SBF2: variants seen among roughly 807,000 people sequenced by gnomAD.
SBF2 encodes the protein SET binding factor 2.
In SBF2, 112 loss-of-function variants were observed where a neutral mutation model predicts 225.2. The ratio of observed to expected loss-of-function variants is 0.50; its 90% confidence interval spans 0.43 to 0.58. The LOEUF is 0.58. Ranked by LOEUF, SBF2 falls within the 20% of genes least tolerant of loss-of-function variation. The probability of loss-of-function intolerance (pLI) is 0.00; values close to 1 mark genes in which losing one functional copy is unlikely to be tolerated. For synonymous variants in SBF2, 763 were observed against 773.3 expected (o/e 0.99, Z 0.22); for missense variants, 1,996 against 2,206.2 (o/e 0.90, Z 1.91).
rs542904098 is a variant in SBF2 at position 9,987,310 on chromosome 11, T to C, written c.1395+2187A>G. ...AAAGCCATCTATAACAAACCCACAG[T>C]CACCATAATACTGAATTGGGAAAAG... On this transcript the variant is annotated intron_variant, in intron 13 of 39. Coordinates refer to ENST00000256190, the MANE Select transcript of SBF2 (RefSeq NM_030962.4). 1.5e-3 allele frequency among the ~76,000 whole-genome samples: 230 copies of C among 152,106 alleles called. 3 individuals are homozygous for C. The highest frequency in any genetic ancestry group is 0.013 in the Admixed American group (196 of 15,268).
intron 17 of SBF2, among the ~76,000 whole-genome samples, chr11:9,873,116 G>C (rs4575265): frequency 7.2e-6 from 1 of 139,782 alleles, no homozygotes; most frequent in Non-Finnish European, 1.5e-5. Context: ...TGAGGCAGGA[G>C]AATCGCTTGA....
At chr11:10,170,568 C>T (rs1394588198) in intron 2 of SBF2, among the ~76,000 whole-genome samples, 1 of 151,910 alleles carries the variant, frequency 6.6e-6, no homozygotes, top group African/African-American at 2.4e-5. Context: ...TGTAATTCTT[C>T]CAGTTTTTTT....
At chr11:9,991,663 A>G (rs55712226) in intron 12 of SBF2, among the ~76,000 whole-genome samples, 4,312 of 152,288 alleles carry the variant, frequency 0.028, 208 homozygotes, top group African/African-American at 0.099. Flanking sequence ...ATAAAAGGAA[A>G]GATGCTTTTA....
intron 32 of SBF2, among the ~76,000 whole-genome samples, chr11:9,801,483 TA>T (rs1041995512): frequency 1.3e-5 from 2 of 152,204 alleles, no homozygotes; most frequent in African/African-American, 4.8e-5. Flanking sequence ...TTTAATACAT[TA>T]AAACTGGATT....
intron 16 of SBF2, chr11:9,958,301 A>C (rs942936608): frequency 6.6e-6 from 1 of 152,212 alleles, no homozygotes; most frequent in Admixed American, 6.5e-5. Context: ...CCAAAGAAAG[A>C]AAGCAAGATT....
intron 1 of SBF2, among the ~76,000 whole-genome samples, chr11:10,225,620 G>C (rs990074657): frequency 9.2e-5 from 14 of 152,000 alleles, no homozygotes; most frequent in Non-Finnish European, 1.5e-4. Flanking sequence ...TTTTCAAAAA[G>C]AAAAAAGTGC....
chr11:9,929,639 A>G (rs1429089621), intron 16 of SBF2, among the ~76,000 whole-genome samples: 1 of 152,172 alleles, frequency 6.6e-6, no homozygotes, highest in Non-Finnish European at 1.5e-5. Context: ...CTTCTCCATG[A>G]CAATGCATGT....
chr11:9,937,091 G>C (rs1244907112), intron 16 of SBF2, among the ~76,000 whole-genome samples: 1 of 152,074 alleles, frequency 6.6e-6, no homozygotes, highest in South Asian at 2.1e-4. Flanking sequence ...ATAAATCCCA[G>C]AAGAGCAAAA....
intron 35 of SBF2, among the ~76,000 whole-genome samples, chr11:9,788,611 C>A (rs1039792926): frequency 9.7e-5 from 10 of 102,804 alleles, no homozygotes; most frequent in African/African-American, 3.1e-4. Context: ...TTTTTTTTTA[C>A]TGAGACGGAG....
rs1324228041 is a variant in SBF2 at position 9,808,205 on chromosome 11, G to T, written c.4258-20C>A. ...TGTCACCTAGGGCATAAGCAGGATG[G>T]ATTGTCATTAATTTTAGTTCTGAAA... On this transcript the variant is annotated intron_variant, in intron 31 of 39. Coordinates refer to ENST00000256190, the MANE Select transcript of SBF2 (RefSeq NM_030962.4). 1 of 1,608,238 alleles carries T rather than the reference G, an allele frequency of 6.2e-7. No individual in the cohort carries two copies. The highest frequency in any genetic ancestry group is 2.2e-5 in the East Asian group (1 of 44,844).
intron 1 of SBF2, chr11:10,302,717 GT>G (rs1964609052): frequency 7.9e-5 from 12 of 152,444 alleles, no homozygotes; most frequent in Admixed American, 7.2e-4. Flanking sequence ...CACAGCTCAA[GT>G]TTCCCCCACG....
intron 1 of SBF2, among the ~76,000 whole-genome samples, chr11:10,266,229 G>A (rs530499669): frequency 9.9e-5 from 15 of 152,278 alleles, no homozygotes; most frequent in Admixed American, 2.0e-4. Context: ...GTTGTTTGAC[G>A]CTAGAACTTA....
At chr11:10,245,258 T>G (rs912003112) in intron 1 of SBF2, among the ~76,000 whole-genome samples, 1 of 151,410 alleles carries the variant, frequency 6.6e-6, no homozygotes, top group East Asian at 2.0e-4. Flanking sequence ...CAAAACCACA[T>G]GGAGGCCTGG....
intron 6 of SBF2, among the ~76,000 whole-genome samples, chr11:10,022,294 A>C (rs1948890141): frequency 6.6e-6 from 1 of 152,196 alleles, no homozygotes; most frequent in Admixed American, 6.5e-5. Context: ...AAGATATTCC[A>C]GAATCAATAC....
At chr11:9,912,392 C>G (rs1862708229) in intron 16 of SBF2, among the ~76,000 whole-genome samples, 1 of 151,658 alleles carries the variant, frequency 6.6e-6, no homozygotes, top group Non-Finnish European at 1.5e-5. Flanking sequence ...CAAGACCAGC[C>G]TGGCCAACAT....
intron 1 of SBF2, among the ~76,000 whole-genome samples, chr11:10,279,936 A>C (rs1372790426): frequency 6.6e-5 from 10 of 152,220 alleles, no homozygotes; most frequent in African/African-American, 1.9e-4. Flanking sequence ...GGCGTGAGCC[A>C]CCACGCCTGG....
At chr11:10,015,257 G>A (rs777027094) in intron 6 of SBF2, among the ~76,000 whole-genome samples, 77 of 152,234 alleles carry the variant, frequency 5.1e-4, no homozygotes, top group East Asian at 1.5e-3. Flanking sequence ...TAGGGACTCC[G>A]GATGAATTTA....
Position 9,968,864 on chromosome 11 carries a change from T to A in SBF2, c.1396-319A>T, listed in dbSNP as rs541886626. ...AATATCTCAGGGCTCAGTCCTTGGG[T>A]CTTTTTTCTATTAACATTCATTCCT... On this transcript the variant is annotated intron_variant, in intron 13 of 39. Transcript: ENST00000256190. Among the ~76,000 whole-genome samples, 10 of 152,272 alleles carry A rather than the reference T, an allele frequency of 6.6e-5. No homozygotes were observed. The East Asian group carries it at 1.9e-3, about 29-fold the overall frequency.
At chr11:10,028,579 A>AACAC in intron 5 of SBF2, 22 bp from the exon 6 acceptor site, 3 of 1,375,920 alleles carry the variant, frequency 2.2e-6, no homozygotes, top group Non-Finnish European at 3.1e-6. Context: ...GAGAAACACA[A>AACAC]ACACACACAC....
Sources: gnomAD v4.1 joint callset for allele counts (sites outside exome capture counted in the v4.1 genomes callset) on GRCh38, gnomAD v4.1.1 for gene constraint, MANE v1.5 for transcripts, NCBI Gene and HGNC (gene_info 2026-07-23, HGNC 2026-07-21) for gene names.